The following RBFOX1 variants were observed in gnomAD, a reference collection of about 807,000 sequenced individuals.
The protein encoded by RBFOX1 is RNA binding protein fox-1 homolog 1.
RBFOX1 carries 8 observed loss-of-function variants against 57.7 expected under a neutral mutation model. The observed-to-expected ratio is 0.14, with a 90% CI of 0.08 to 0.25. The LOEUF (loss-of-function observed/expected upper bound fraction) is 0.25. RBFOX1 is among the 10% of genes least tolerant of loss of function. RBFOX1 has a pLI of 1.00. For synonymous variants in RBFOX1, 326 were observed against 222.4 expected (o/e 1.47, Z -4.15); for missense variants, 611 against 548.5 (o/e 1.11, Z -1.14).
rs572557563 is a variant in RBFOX1 at position 6,848,474 on chromosome 16, C to G, written c.-16+193824C>G. Among the ~76,000 whole-genome samples the G allele has an allele frequency of 5.0e-4, 76 of 152,186 alleles. No homozygotes were observed. The Middle Eastern group carries it at 0.01, about 21-fold the overall frequency. ...AGCAGGCACCCGATTGCCAGCCCACCTTAGACTGAAGGCACTATTTGCTAT... is the reference window on the plus strand; with the variant it reads ...AGCAGGCACCCGATTGCCAGCCCACGTTAGACTGAAGGCACTATTTGCTAT... On this transcript the variant is annotated intron_variant, in intron 3 of 15. Coordinates refer to ENST00000550418, the MANE Select transcript of RBFOX1 (RefSeq NM_018723.4).
In RBFOX1 at chr16:5,651,484, C is replaced by T. The variant is rs376938062; in HGVS notation, c.318+52523C>T. 1.1e-4 allele frequency among the ~76,000 whole-genome samples: 16 copies of T among 152,248 alleles called. No homozygotes were observed. The East Asian group carries it at 1.2e-3, about 11-fold the overall frequency. The stretch of plus-strand genomic sequence containing the variant: ...TCCTGCCCCAGGCCACCTTGCAGAA[C>T]GGAGGGACCAAAGCACAGGTTGCCT... On this transcript the variant is annotated intron_variant, in intron 3 of 19. Transcript: ENST00000641259.
At chr16:6,532,478 T>C (rs1228744436) in intron 2 of RBFOX1, among the ~76,000 whole-genome samples, 2 of 152,196 alleles carry the variant, frequency 1.3e-5, no homozygotes, top group Admixed American at 1.3e-4. Context: ...TACTTTCTGC[T>C]TTAAGGCGAT....
intron 1 of RBFOX1, among the ~76,000 whole-genome samples, chr16:5,301,431 A>T (rs141324645): frequency 6.6e-6 from 1 of 152,084 alleles, no homozygotes; most frequent in Non-Finnish European, 1.5e-5. Flanking sequence ...CATCCTGGCT[A>T]ACACGGTGAA....
chr16:5,354,503 G>A (rs766061500), intron 1 of RBFOX1, among the ~76,000 whole-genome samples: 7 of 152,186 alleles, frequency 4.6e-5, no homozygotes, highest in Non-Finnish European at 8.8e-5. Context: ...AGGGCTGCTT[G>A]GGGGTTAAAT....
intron 4 of RBFOX1, among the ~76,000 whole-genome samples, chr16:7,364,169 G>T (rs1057129118): frequency 1.3e-5 from 2 of 152,176 alleles, no homozygotes; most frequent in African/African-American, 2.4e-5. Flanking sequence ...CAACAGCTCA[G>T]CTTACGTCTG....
chr16:6,397,350 T>A (rs1423886405), intron 2 of RBFOX1, among the ~76,000 whole-genome samples: 3 of 152,188 alleles, frequency 2.0e-5, no homozygotes, highest in African/African-American at 7.2e-5. Context: ...ATGGTCAGCT[T>A]CTCATCAGAA....
chr16:6,524,456 A>C (rs1243562134), intron 2 of RBFOX1, among the ~76,000 whole-genome samples: 2 of 152,206 alleles, frequency 1.3e-5, no homozygotes, highest in Non-Finnish European at 2.9e-5. Context: ...TAGTTCTACA[A>C]ACTCACTTTC....
chr16:5,640,863 TAC>T (rs939463469), intron 3 of RBFOX1, among the ~76,000 whole-genome samples: 9 of 137,706 alleles, frequency 6.5e-5, no homozygotes, highest in African/African-American at 1.9e-4. Context: ...ACACCATGGA[TAC>T]ACACACACAC....
chr16:6,615,496 A>G (rs2098129011), intron 2 of RBFOX1, among the ~76,000 whole-genome samples: 1 of 151,878 alleles, frequency 6.6e-6, no homozygotes, highest in African/African-American at 2.4e-5. Flanking sequence ...CTTGAACCCA[A>G]GGGGCAGAGG....
chr16:7,553,962 G>C (rs1456676907), intron 5 of RBFOX1, among the ~76,000 whole-genome samples: 1 of 152,168 alleles, frequency 6.6e-6, no homozygotes, highest in Non-Finnish European at 1.5e-5. Context: ...AATGTAAGAA[G>C]GCCAGGCCCA....
chr16:7,611,760 C>A (rs552857195), intron 10 of RBFOX1, among the ~76,000 whole-genome samples: 1 of 152,046 alleles, frequency 6.6e-6, no homozygotes, highest in African/African-American at 2.4e-5. Context: ...CTCACACGTG[C>A]CTTCCAGAGG....
rs1382370273 is a variant in RBFOX1, at chr16:5,776,335, C to CT, written c.319-90962dup. ...AGGCCACGCTTCCACTCTGTGTGTTCTTTTTTGGCACAGAGTTGTTTGCAG... is the reference window on the plus strand; with the variant it reads ...AGGCCACGCTTCCACTCTGTGTGTTCTTTTTTTGGCACAGAGTTGTTTGCAG... On this transcript the variant is annotated intron_variant, in intron 3 of 19. Coordinates refer to the RBFOX1 transcript ENST00000641259. 8.5e-5 allele frequency among the ~76,000 whole-genome samples: 13 copies of CT among 152,276 alleles called. No homozygotes were observed. In the East Asian group the frequency reaches 2.3e-3, roughly 27 times the overall value.
At chr16:6,577,363 A>G (rs1009104545) in intron 2 of RBFOX1, 3 of 152,208 alleles carry the variant, frequency 2.0e-5, no homozygotes, top group African/African-American at 7.2e-5. Flanking sequence ...AATAATGCTT[A>G]ATATTTGTCA....
chr16:5,977,227 A>G (rs1355489257), intron 4 of RBFOX1, among the ~76,000 whole-genome samples: 1 of 152,198 alleles, frequency 6.6e-6, no homozygotes, highest in East Asian at 1.9e-4. Flanking sequence ...GACTTTGGAA[A>G]AATGGTTGAT....
chr16:5,537,705 T>G (rs2044755238), intron 2 of RBFOX1, among the ~76,000 whole-genome samples: 1 of 152,224 alleles, frequency 6.6e-6, no homozygotes, highest in Admixed American at 6.5e-5. Context: ...GGTTGAATCC[T>G]TCTCATTTTT....
intron 1 of RBFOX1, among the ~76,000 whole-genome samples, chr16:5,402,954 A>T (rs150456065): frequency 1.3e-5 from 2 of 152,340 alleles, no homozygotes; most frequent in East Asian, 3.9e-4. Context: ...AACCTTTTGG[A>T]ATTCATCGCA....
chr16:6,731,249 G>T (rs1461290867), intron 3 of RBFOX1, among the ~76,000 whole-genome samples: 2 of 152,242 alleles, frequency 1.3e-5, no homozygotes, highest in African/African-American at 4.8e-5. Context: ...AATGGGAAAT[G>T]GTAAGATGAG....
chr16:5,853,038 T>C (rs2056936184), intron 3 of RBFOX1, among the ~76,000 whole-genome samples: 1 of 152,056 alleles, frequency 6.6e-6, no homozygotes, highest in Non-Finnish European at 1.5e-5. Context: ...TATACTGTAA[T>C]AGAATTATAT....
chr16:6,571,333 T>G (rs770797212), intron 2 of RBFOX1, among the ~76,000 whole-genome samples: 1 of 152,116 alleles, frequency 6.6e-6, no homozygotes, highest in South Asian at 2.1e-4. Context: ...GGGGTGACGG[T>G]GGGCATCCTT....
Sources: gnomAD v4.1 joint callset for allele counts (sites outside exome capture counted in the v4.1 genomes callset) on GRCh38, gnomAD v4.1.1 for gene constraint, MANE v1.5 for transcripts, NCBI Gene and HGNC (gene_info 2026-07-23, HGNC 2026-07-21) for gene names.